The following DDR2 variants were observed in gnomAD, a reference collection of about 807,000 sequenced individuals.
DDR2 encodes discoidin domain-containing receptor 2.
DDR2 carries 27 observed loss-of-function variants against 94.9 expected under a neutral mutation model. That is an observed-to-expected ratio of 0.28 (90% CI 0.21 to 0.39). The LOEUF (loss-of-function observed/expected upper bound fraction) is 0.39, where lower values mean the gene tolerates loss of function less well. Ranked by LOEUF, DDR2 falls within the 10% of genes least tolerant of loss-of-function variation. The pLI, the probability that DDR2 is intolerant of heterozygous loss-of-function variation, is 1.00. For synonymous variants in DDR2, 382 were observed against 377.2 expected (o/e 1.01, Z -0.15); for missense variants, 783 against 1,076.0 (o/e 0.73, Z 3.81).
intron 2 of DDR2, 55 bp from the exon 3 acceptor site, chr1:162,718,982 T>G: frequency 6.5e-7 from 1 of 1,546,580 alleles, no homozygotes; most frequent in Non-Finnish European, 8.9e-7. Context: ...AGTATCTGCC[T>G]CACTCATTTC....
chr1:162,670,855 C>A (rs1235656484), intron 2 of DDR2, among the ~76,000 whole-genome samples: 1 of 152,114 alleles, frequency 6.6e-6, no homozygotes, highest in African/African-American at 2.4e-5. Flanking sequence ...AGCTGAGGAG[C>A]CAGAACACTA....
At chr1:162,748,728 A>G (rs1356819523) in intron 3 of DDR2, among the ~76,000 whole-genome samples, 1 of 152,258 alleles carries the variant, frequency 6.6e-6, no homozygotes, top group South Asian at 2.1e-4. Context: ...CATCATACTT[A>G]TTCCAAAATT....
chr1:162,756,491 A>C (rs2684866), intron 7 of DDR2, among the ~76,000 whole-genome samples: 93,751 of 152,154 alleles, frequency 0.62, 32,739 homozygotes, highest in Non-Finnish European at 0.78. Flanking sequence ...TCAAGCCTTT[A>C]AGCCTTGCCA....
At position 162,753,073 on chromosome 1, in the gene DDR2, T is replaced by A. The variant is rs562395898; in HGVS notation, c.83-22T>A. On this transcript the variant is annotated intron_variant, in intron 3 of 17. Transcript: ENST00000367921. ...AAATAAAACCATGTCCTCTCTTTTCTCTTTGGTTTCTCTTGGTCTAGCTAT... is the reference window on the plus strand; with the variant it reads ...AAATAAAACCATGTCCTCTCTTTTCACTTTGGTTTCTCTTGGTCTAGCTAT... 12 of 1,601,266 alleles carry A rather than the reference T, an allele frequency of 7.5e-6. No homozygotes were observed. In the East Asian group the frequency reaches 2.2e-4, roughly 30 times the overall value.
chr1:162,659,478 C>T (rs565759462), intron 2 of DDR2, among the ~76,000 whole-genome samples: 6 of 152,150 alleles, frequency 3.9e-5, no homozygotes, highest in East Asian at 1.9e-4. Flanking sequence ...AGGTAGGAAA[C>T]GGCTGTCTAC....
chr1:162,770,854 G>C (rs1218922062), intron 12 of DDR2: 1 of 371,248 alleles, frequency 2.7e-6, no homozygotes, highest in East Asian at 6.7e-5. Flanking sequence ...AGTCCAGATA[G>C]AGTACTCACC....
intron 3 of DDR2, among the ~76,000 whole-genome samples, chr1:162,744,933 T>C (rs556623755): frequency 6.6e-6 from 1 of 152,366 alleles, no homozygotes; most frequent in Admixed American, 6.5e-5. Context: ...CCATACTGAC[T>C]GCATCATTTT....
chr1:162,634,370 G>A (rs1656711853), intron 1 of DDR2, among the ~76,000 whole-genome samples: 1 of 152,198 alleles, frequency 6.6e-6, no homozygotes, highest in East Asian at 1.9e-4. Flanking sequence ...GGGAACAATT[G>A]CAGTACCTTT....
chr1:162,647,559 T>A (rs1332394129), intron 1 of DDR2, among the ~76,000 whole-genome samples: 1 of 152,218 alleles, frequency 6.6e-6, no homozygotes, highest in African/African-American at 2.4e-5. Context: ...CAATTGGGTA[T>A]ACTTGTAGTT....
At chr1:162,722,337 G>A (rs527610950) in intron 3 of DDR2, among the ~76,000 whole-genome samples, 49 of 152,322 alleles carry the variant, frequency 3.2e-4, no homozygotes, top group Non-Finnish European at 6.0e-4. Context: ...GGCTACGCAA[G>A]TCTTTGTGGG....
intron 2 of DDR2, among the ~76,000 whole-genome samples, chr1:162,686,272 C>A (rs1659686271): frequency 6.6e-6 from 1 of 152,082 alleles, no homozygotes; most frequent in Non-Finnish European, 1.5e-5. Context: ...CATAGGCATG[C>A]ATGTGCCATA....
At chr1:162,773,645 AC>A in intron 14 of DDR2, 49 bp downstream of exon 14, 3 of 1,610,162 alleles carry the variant, frequency 1.9e-6, no homozygotes, top group Non-Finnish European at 2.5e-6. Flanking sequence ...CATCTTTAGG[AC>A]CAGGAATACT....
intron 3 of DDR2, among the ~76,000 whole-genome samples, chr1:162,747,465 A>AT (rs2102107439): frequency 6.6e-6 from 1 of 151,980 alleles, no homozygotes; most frequent in East Asian, 1.9e-4. Context: ...GAGTAAAAAA[A>AT]AATGAACAAA....
At chr1:162,761,685 T>C (rs935964835) in intron 9 of DDR2, among the ~76,000 whole-genome samples, 1 of 152,200 alleles carries the variant, frequency 6.6e-6, no homozygotes, top group African/African-American at 2.4e-5. Context: ...AGAATGTTTT[T>C]AAATGAGAGT....
At chr1:162,732,837 GC>G (rs1469998107) in intron 3 of DDR2, among the ~76,000 whole-genome samples, 2 of 152,246 alleles carry the variant, frequency 1.3e-5, no homozygotes, top group Non-Finnish European at 2.9e-5. Context: ...GGAACAAGCA[GC>G]CCTTTCAGGC....
chr1:162,758,238 T>C (rs1247501003), intron 7 of DDR2, among the ~76,000 whole-genome samples: 2 of 152,100 alleles, frequency 1.3e-5, no homozygotes, highest in Non-Finnish European at 2.9e-5. Context: ...TAATGAAATA[T>C]CTGGTGGAGG....
chr1:162,779,992 G>A (rs991552068), intron 17 of DDR2, 120 bp from the exon 18 acceptor site: 2 of 1,464,662 alleles, frequency 1.4e-6, no homozygotes, highest in East Asian at 2.3e-5. Context: ...CAGTTATCAA[G>A]TTCAAGAAAG....
intron 2 of DDR2, among the ~76,000 whole-genome samples, chr1:162,690,550 T>C (rs908333363): frequency 6.6e-6 from 1 of 152,206 alleles, no homozygotes; most frequent in East Asian, 1.9e-4. Context: ...TCCTCGATGC[T>C]TCTGTAGAGT....
At chr1:162,696,214 TA>T (rs34098783) in intron 2 of DDR2, among the ~76,000 whole-genome samples, 82,548 of 137,062 alleles carry the variant, frequency 0.6, 25,003 homozygotes, top group Middle Eastern at 0.73. Flanking sequence ...TTTTTTTTTT[TA>T]AAAAAAAAAC....
Sources: gnomAD v4.1 joint callset for allele counts (sites outside exome capture counted in the v4.1 genomes callset) on GRCh38, gnomAD v4.1.1 for gene constraint, MANE v1.5 for transcripts, NCBI Gene and HGNC (gene_info 2026-07-23, HGNC 2026-07-21) for gene names.